The following CDH18 variants were observed in gnomAD, a reference collection of about 807,000 sequenced individuals.
CDH18 encodes cadherin-18.
CDH18 carries 31 observed loss-of-function variants against 67.9 expected under a neutral mutation model. The observed-to-expected ratio is 0.46, with a 90% confidence interval of 0.34 to 0.62. The LOEUF is 0.62. CDH18 is among the 20% of genes least tolerant of loss of function. CDH18 has a pLI of 0.01. For missense variants in CDH18, 890 were observed against 975.5 expected, an observed-to-expected ratio of 0.91 and a Z score of 1.17; for synonymous variants, 362 against 347.2, an observed-to-expected ratio of 1.04 and a Z score of -0.48.
At chr5:20,478,551 C>A (rs78259329) in intron 1 of CDH18, among the ~76,000 whole-genome samples, 1 of 152,042 alleles carries the variant, frequency 6.6e-6, no homozygotes, top group Admixed American at 6.6e-5. Flanking sequence ...CTGGGAAGGA[C>A]TTTGTCTTAC....
chr5:19,616,887 T>A (rs1323079320), intron 5 of CDH18, among the ~76,000 whole-genome samples: 1 of 152,182 alleles, frequency 6.6e-6, no homozygotes, highest in African/African-American at 2.4e-5. Context: ...TCACATGGGC[T>A]TTCTTCTTTG....
chr5:20,339,516 G>A (rs996299302), intron 1 of CDH18, among the ~76,000 whole-genome samples: 9 of 151,940 alleles, frequency 5.9e-5, no homozygotes, highest in East Asian at 1.9e-4. Context: ...ACAGGGAGGC[G>A]GGAATCCCTG....
chr5:19,581,667 G>T (rs2149986162), intron 7 of CDH18, among the ~76,000 whole-genome samples: 1 of 151,932 alleles, frequency 6.6e-6, no homozygotes, highest in Non-Finnish European at 1.5e-5. Flanking sequence ...TCCAAGATTG[G>T]GTAGATAGGG....
rs143775230 is a variant in CDH18 at position 20,347,742 on chromosome 5, G to A, written c.-579-92237C>T. Among the ~76,000 whole-genome samples, 50 of 152,258 alleles carry A rather than the reference G, an allele frequency of 3.3e-4. No homozygotes were observed. In the South Asian group the frequency reaches 8.5e-3, roughly 26 times the overall value. On this transcript the variant is annotated intron_variant, in intron 1 of 14. Transcript: ENST00000507958. ...CCATGGATTTTGGTTAAGCATTCAT[G>A]GGTAATAACCAAGAGGGAGTCAGTC... is the stretch of plus-strand genomic sequence containing the variant.
intron 2 of CDH18, among the ~76,000 whole-genome samples, chr5:20,085,631 T>A (rs923259951): frequency 6.6e-6 from 1 of 152,190 alleles, no homozygotes; most frequent in African/African-American, 2.4e-5. Context: ...GGACTTATAG[T>A]TCCACATGGC....
chr5:20,568,341 T>C (rs1758629594), intron 1 of CDH18, among the ~76,000 whole-genome samples: 1 of 152,132 alleles, frequency 6.6e-6, no homozygotes, highest in Non-Finnish European at 1.5e-5. Context: ...GTATTCTCAG[T>C]GATAATGTTG....
chr5:19,679,903 A>G (rs1212894172), intron 5 of CDH18, among the ~76,000 whole-genome samples: 1 of 152,036 alleles, frequency 6.6e-6, no homozygotes, highest in Non-Finnish European at 1.5e-5. Context: ...TTTCTACCAA[A>G]CTACCAATGT....
At chr5:19,511,524 A>G (rs1252509324) in intron 10 of CDH18, among the ~76,000 whole-genome samples, 1 of 152,146 alleles carries the variant, frequency 6.6e-6, no homozygotes, top group African/African-American at 2.4e-5. Context: ...AGTGATATCT[A>G]AAATGAAGTC....
intron 9 of CDH18, among the ~76,000 whole-genome samples, 173 bp downstream of exon 9, chr5:19,543,696 A>G (rs1323466813): frequency 6.6e-6 from 1 of 152,188 alleles, no homozygotes; most frequent in East Asian, 1.9e-4. Flanking sequence ...GGAGGAAGGC[A>G]TAAGACTTAT....
At chr5:20,570,198 C>T (rs2126669942) in intron 1 of CDH18, among the ~76,000 whole-genome samples, 1 of 152,242 alleles carries the variant, frequency 6.6e-6, no homozygotes, top group Non-Finnish European at 1.5e-5. Context: ...AATGGTGAAT[C>T]AATAATGGTT....
At chr5:20,346,805 A>G (rs998927018) in intron 1 of CDH18, among the ~76,000 whole-genome samples, 38 of 152,186 alleles carry the variant, frequency 2.5e-4, no homozygotes, top group African/African-American at 9.2e-4. Context: ...AATAGTTTAC[A>G]ATGCATAAAC....
At chr5:19,550,738 CTT>C (rs1282791886) in intron 8 of CDH18, among the ~76,000 whole-genome samples, 7 of 152,032 alleles carry the variant, frequency 4.6e-5, no homozygotes, top group Non-Finnish European at 1.0e-4. Context: ...GTGCATGTGT[CTT>C]TATAGCAGCA....
At chr5:19,916,230 G>T (rs993987479) in intron 2 of CDH18, among the ~76,000 whole-genome samples, 6 of 152,040 alleles carry the variant, frequency 3.9e-5, no homozygotes, top group South Asian at 2.1e-4. Context: ...TGCAAGATCT[G>T]GCCTCTAGTT....
chr5:20,391,148 AT>A (rs1744820378), intron 1 of CDH18, among the ~76,000 whole-genome samples: 2 of 152,144 alleles, frequency 1.3e-5, no homozygotes, highest in African/African-American at 4.8e-5. Context: ...AAAATAAAAA[AT>A]TAAAAATAAA....
intron 1 of CDH18, among the ~76,000 whole-genome samples, chr5:20,523,636 G>T (rs1354005761): frequency 6.6e-6 from 1 of 152,100 alleles, no homozygotes; most frequent in Non-Finnish European, 1.5e-5. Flanking sequence ...CGCCTCCCAG[G>T]TTCAAGCAAT....
Position 20,235,411 on chromosome 5 carries a change from A to G in CDH18, c.-518+20033T>C, listed in dbSNP as rs115773482. Among the ~76,000 whole-genome samples, 1,353 of 152,240 alleles carry G rather than the reference A, an allele frequency of 8.9e-3. 24 individuals are homozygous for G. The highest frequency in any genetic ancestry group is 0.03 in the African/African-American group (1,243 of 41,554). ...AGGCCTATTATCCAGAATATAATGA[A>G]TTTAAGCAAATCAACAAGCAAAAAA... On this transcript the variant is annotated intron_variant, in intron 2 of 14. Coordinates refer to the CDH18 transcript ENST00000507958.
intron 1 of CDH18, among the ~76,000 whole-genome samples, chr5:20,405,969 T>C (rs1746211988): frequency 6.6e-6 from 1 of 152,144 alleles, no homozygotes; most frequent in African/African-American, 2.4e-5. Flanking sequence ...ATAGGAACAC[T>C]TTTACACTGT....
chr5:19,868,793 C>T (rs187703394), intron 2 of CDH18, among the ~76,000 whole-genome samples: 1 of 152,252 alleles, frequency 6.6e-6, no homozygotes, highest in East Asian at 1.9e-4. Context: ...CCATACAACT[C>T]CCCATTCAGC....
intron 11 of CDH18, among the ~76,000 whole-genome samples, chr5:19,499,771 G>T (rs1742935287): frequency 6.6e-6 from 1 of 151,750 alleles, no homozygotes; most frequent in African/African-American, 2.4e-5. Flanking sequence ...TGGTTCTCAG[G>T]CTTATCATGA....
Sources: allele counts gnomAD v4.1 joint callset (sites outside exome capture counted in the v4.1 genomes callset), GRCh38; gene constraint gnomAD v4.1.1; transcripts MANE v1.5; gene names NCBI Gene and HGNC (gene_info 2026-07-23, HGNC 2026-07-21).